Variants in KLRF1 observed in about 807,000 individuals in gnomAD.
KLRF1 encodes the protein killer cell lectin like receptor F1.
Under a neutral mutation model 30.7 loss-of-function variants are expected in KLRF1, and 27 were observed. The observed-to-expected ratio is 0.88, with a 90% CI of 0.65 to 1.21. The LOEUF (loss-of-function observed/expected upper bound fraction) is 1.21, where lower values mean the gene tolerates loss of function less well. Among genes scored for constraint, KLRF1 ranks in the 50% most tolerant of loss-of-function variants. The probability of loss-of-function intolerance (pLI) is 0.00; values close to 1 mark genes in which losing one functional copy is unlikely to be tolerated. For synonymous variants in KLRF1, 92 were observed against 89.3 expected (o/e 1.03, Z -0.17); for missense variants, 246 against 259.3 (o/e 0.95, Z 0.35).
chr12:9,824,508 A>G (rs1867259986), upstream of KLRF1, among the ~76,000 whole-genome samples: 5 of 152,204 alleles, frequency 3.3e-5, no homozygotes, highest in South Asian at 1.0e-3. Flanking sequence ...CACAGCCAAC[A>G]TTATCCTGAA....
At chr12:9,826,770 A>G (rs150759569), upstream of KLRF1, among the ~76,000 whole-genome samples, 64 of 152,304 alleles carry the variant, frequency 4.2e-4, no homozygotes, top group East Asian at 0.011. Context: ...TAATGGAGGA[A>G]CAGAAAACCA....
At chr12:9,838,666 A>C (rs757536999) in intron 3 of KLRF1, among the ~76,000 whole-genome samples, 15 of 152,132 alleles carry the variant, frequency 9.9e-5, no homozygotes, top group Non-Finnish European at 1.6e-4. Context: ...AAGGAATTCT[A>C]TTTTTTACCA....
At chr12:9,809,959 T>A in the KLRF1 span, among the ~76,000 whole-genome samples, 2 of 152,142 alleles carry the variant, frequency 1.3e-5, no homozygotes, top group Non-Finnish European at 2.9e-5. Flanking sequence ...AAAAGGAGAA[T>A]GACATAAAGA....
intron 3 of KLRF1, among the ~76,000 whole-genome samples, chr12:9,837,219 G>C (rs755054075): frequency 6.6e-6 from 1 of 151,896 alleles, no homozygotes; most frequent in South Asian, 2.1e-4. Context: ...ACAATATTTG[G>C]CCTTGGGCTT....
chr12:9,815,752 A>G, the KLRF1 span, among the ~76,000 whole-genome samples: 1 of 152,122 alleles, frequency 6.6e-6, no homozygotes, highest in Admixed American at 6.5e-5. Context: ...CCTTACCACA[A>G]TGTGTAAGAG....
At chr12:9,831,767 T>G (rs1038173730) in intron 1 of KLRF1, among the ~76,000 whole-genome samples, 3 of 152,078 alleles carry the variant, frequency 2.0e-5, no homozygotes, top group African/African-American at 7.2e-5. Context: ...AATAAAACAG[T>G]TCTTAAAAGT....
At chr12:9,800,202 A>G in the KLRF1 span, among the ~76,000 whole-genome samples, 12 of 152,234 alleles carry the variant, frequency 7.9e-5, no homozygotes, top group African/African-American at 2.4e-4. Flanking sequence ...TTGCATTTCA[A>G]TCAGCAAAGA....
chr12:9,812,367 GAAAAAAAAA>G, the KLRF1 span, among the ~76,000 whole-genome samples: 55 of 95,782 alleles, frequency 5.7e-4, no homozygotes, highest in Admixed American at 5.7e-3. Flanking sequence ...GCCGTCTCAG[GAAAAAAAAA>G]AAAAAAAAAA....
At chr12:9,842,272 C>A in intron 4 of KLRF1, 49 bp from the exon 5 acceptor site, 1 of 1,599,468 alleles carries the variant, frequency 6.3e-7, no homozygotes, top group South Asian at 1.1e-5. Flanking sequence ...TTCAGTGTGT[C>A]TGAATTGCTA....
chr12:9,806,324 C>T, the KLRF1 span, among the ~76,000 whole-genome samples: 1 of 152,004 alleles, frequency 6.6e-6, no homozygotes, highest in African/African-American at 2.4e-5. Context: ...TTAAGTTCCA[C>T]ATATTTGTAA....
At chr12:9,814,373 A>G in the KLRF1 span, among the ~76,000 whole-genome samples, 149,767 of 152,306 alleles carry the variant, frequency 0.98, 73,683 homozygotes, top group Middle Eastern at 1. Flanking sequence ...CGCCGCTGGG[A>G]GGCGCCTGGG....
At chr12:9,821,309 C>T in the KLRF1 span, among the ~76,000 whole-genome samples, 1 of 152,124 alleles carries the variant, frequency 6.6e-6, no homozygotes, top group Non-Finnish European at 1.5e-5. Context: ...CCCCCAGGGG[C>T]AACCAAAAGC....
chr12:9,844,694 T>C lies in KLRF1; in HGVS notation c.*168T>C. ...GGTCTAGCCTCAGAGTAACCCCTGTTAACAAACTAAAATGTACACTTCAAA... is the reference window on the plus strand; with the variant it reads ...GGTCTAGCCTCAGAGTAACCCCTGTCAACAAACTAAAATGTACACTTCAAA... On this transcript the variant is annotated 3_prime_UTR_variant, in exon 6 of 6. Transcript: ENST00000617889. 1 of 485,386 alleles carries C rather than the reference T, an allele frequency of 2.1e-6. No individual in the cohort carries two copies. The highest frequency in any genetic ancestry group is 3.7e-6 in the Non-Finnish European group (1 of 268,544). The allele number at this position is 485,386 out of a possible 1,614,324, so 30.1% of individuals were successfully genotyped here.
rs144585159 is a variant in KLRF1 at position 9,829,796 on chromosome 12, A to G, written c.85+2167A>G. Among the ~76,000 whole-genome samples, 1,121 of 152,332 alleles carry G rather than the reference A, an allele frequency of 7.4e-3. 44 individuals carry two copies. Among genetic ancestry groups the G allele is most frequent in the Admixed American group, 0.063 (968 of 15,298 alleles). On this transcript the variant is annotated intron_variant, in intron 1 of 5. Coordinates refer to ENST00000617889, the MANE Select transcript of KLRF1 (RefSeq NM_016523.3). ...AAGAATTTAAAAAGTTTAAAAAATTACTTTCAGAGAAATCCACCTTGCATA... is the reference window on the plus strand; with the variant it reads ...AAGAATTTAAAAAGTTTAAAAAATTGCTTTCAGAGAAATCCACCTTGCATA...
chr12:9,802,928 A>G, the KLRF1 span, among the ~76,000 whole-genome samples: 3 of 152,130 alleles, frequency 2.0e-5, no homozygotes, highest in South Asian at 6.2e-4. Flanking sequence ...CCAAACTACC[A>G]CAGACATTCT....
intron 1 of KLRF1, among the ~76,000 whole-genome samples, chr12:9,830,751 G>A (rs2121198824): frequency 6.6e-6 from 1 of 151,226 alleles, no homozygotes; most frequent in East Asian, 1.9e-4. Context: ...ATATATTTTG[G>A]TTGCTGATAA....
chr12:9,827,783 A>G (rs760037276), intron 1 of KLRF1, among the ~76,000 whole-genome samples, 154 bp downstream of exon 1: 1 of 152,234 alleles, frequency 6.6e-6, no homozygotes, highest in African/African-American at 2.4e-5. Flanking sequence ...TTCAATATTA[A>G]TAATGATTTA....
At chr12:9,814,041 C>G in the KLRF1 span, among the ~76,000 whole-genome samples, 1 of 152,164 alleles carries the variant, frequency 6.6e-6, no homozygotes, top group Non-Finnish European at 1.5e-5. Flanking sequence ...CGCAGACATC[C>G]TTCACTTCCC....
At chr12:9,827,065 T>C (rs1235267196), upstream of KLRF1, among the ~76,000 whole-genome samples, 1 of 152,204 alleles carries the variant, frequency 6.6e-6, no homozygotes, top group Non-Finnish European at 1.5e-5. Context: ...ATTAGCATGA[T>C]TTATAAACAA....
Sources: gnomAD v4.1 joint callset for allele counts (sites outside exome capture counted in the v4.1 genomes callset) on GRCh38, gnomAD v4.1.1 for gene constraint, MANE v1.5 for transcripts, NCBI Gene and HGNC (gene_info 2026-07-23, HGNC 2026-07-21) for gene names.